The following PLD1 variants were observed in gnomAD, a reference collection of about 807,000 sequenced individuals.
PLD1 encodes choline phosphatase 1.
In PLD1, 112 loss-of-function variants were observed where a neutral mutation model predicts 137.1. That is an observed-to-expected ratio of 0.82 (90% CI 0.70 to 0.96). The LOEUF (loss-of-function observed/expected upper bound fraction) is 0.96, where lower values mean the gene tolerates loss of function less well. Ranked by LOEUF, PLD1 falls within the 40% of genes least tolerant of loss-of-function variation. PLD1 has a pLI of 0.00. For synonymous variants in PLD1, 431 were observed against 454.7 expected, an observed-to-expected ratio of 0.95 and a Z score of 0.66; for missense variants, 1,321 against 1,342.0, an observed-to-expected ratio of 0.98 and a Z score of 0.24.
At position 171,804,353 on chromosome 3, in the gene PLD1, T is replaced by C. The variant is rs1723761059; in HGVS notation, c.-32+6046A>G. On this transcript the variant is annotated intron_variant, in intron 1 of 26. Transcript: ENST00000351298. ...CATTTTATTTTTAAGAATAGTTAAA[T>C]GGCACCATAGAGCAAATAAATAAGT... is the stretch of plus-strand genomic sequence containing the variant. Among the ~76,000 whole-genome samples, 2 of 152,230 alleles carry C rather than the reference T, an allele frequency of 1.3e-5. 1 individual carries two copies. The highest frequency in any genetic ancestry group is 4.1e-4 in the South Asian group (2 of 4,836).
chr3:171,770,390 G>T (rs1722260372), intron 1 of PLD1, among the ~76,000 whole-genome samples: 1 of 152,106 alleles, frequency 6.6e-6, no homozygotes, highest in African/African-American at 2.4e-5. Flanking sequence ...TGATATTCTG[G>T]TTCACTGAAA....
intron 1 of PLD1, among the ~76,000 whole-genome samples, chr3:171,783,570 T>A (rs1169629512): frequency 6.6e-6 from 1 of 152,162 alleles, no homozygotes; most frequent in Non-Finnish European, 1.5e-5. Flanking sequence ...GGGATTTAAA[T>A]CTAAATGTTT....
intron 1 of PLD1, among the ~76,000 whole-genome samples, chr3:171,764,869 A>AAGGAAGGAAG (rs1721736677): frequency 3.6e-5 from 1 of 27,806 alleles, no homozygotes; most frequent in Non-Finnish European, 7.8e-5. Context: ...GAAAGAAAGA[A>AAGGAAGGAAG]AGAAAGAAAG....
At chr3:171,658,363 G>A (rs747599001) in intron 21 of PLD1, among the ~76,000 whole-genome samples, 2 of 152,144 alleles carry the variant, frequency 1.3e-5, no homozygotes, top group Non-Finnish European at 2.9e-5. Flanking sequence ...GATGTTTATA[G>A]CAGCATTATT....
intron 23 of PLD1, among the ~76,000 whole-genome samples, chr3:171,629,806 C>T (rs1439088355): frequency 6.6e-6 from 1 of 152,150 alleles, no homozygotes; most frequent in Non-Finnish European, 1.5e-5. Context: ...AACTGGCTAG[C>T]CATATGGAGA....
intron 1 of PLD1, among the ~76,000 whole-genome samples, chr3:171,794,612 A>C (rs1723354767): frequency 6.6e-6 from 1 of 152,166 alleles, no homozygotes; most frequent in Admixed American, 6.5e-5. Context: ...AGAAAATGTT[A>C]ATAAAATGCC....
At chr3:171,776,084 C>A (rs1376935375) in intron 1 of PLD1, among the ~76,000 whole-genome samples, 1 of 152,176 alleles carries the variant, frequency 6.6e-6, no homozygotes, top group Non-Finnish European at 1.5e-5. Flanking sequence ...AGGGCTTTCA[C>A]ATGTATTAGC....
chr3:171,748,135 G>T (rs1720385652), intron 1 of PLD1, among the ~76,000 whole-genome samples: 1 of 152,196 alleles, frequency 6.6e-6, no homozygotes, highest in Admixed American at 6.5e-5. Context: ...CAACGTCTAA[G>T]AAGATTTATT....
intron 19 of PLD1, among the ~76,000 whole-genome samples, chr3:171,665,006 C>T (rs1251190459): frequency 2.0e-5 from 3 of 152,188 alleles, no homozygotes; most frequent in Admixed American, 2.0e-4. Flanking sequence ...GTTTATAACC[C>T]ACCCTTGCTG....
chr3:171,602,807 A>C lies in PLD1; in HGVS notation c.*271T>G. ...AAGGAAATGGATTTTGGTATACGGA[A>C]TTTGAATATGTGTTTTACTCAACAG... On this transcript the variant is annotated 3_prime_UTR_variant, in exon 27 of 27. Coordinates refer to ENST00000351298, the MANE Select transcript of PLD1 (RefSeq NM_002662.5). 2.5e-6 allele frequency: 1 copy of C among 395,062 alleles called. No individual in the cohort carries two copies. Among genetic ancestry groups the C allele is most frequent in the Non-Finnish European group, 4.6e-6 (1 of 219,338 alleles). 24.5% of individuals were successfully genotyped at this position (395,062 alleles called of 1,614,324 possible).
At chr3:171,706,386 A>T (rs1481977817) in intron 11 of PLD1, among the ~76,000 whole-genome samples, 5 of 152,158 alleles carry the variant, frequency 3.3e-5, no homozygotes, top group Non-Finnish European at 7.4e-5. Context: ...AGAATGTTGC[A>T]TTTAAAACCA....
At chr3:171,781,958 T>C (rs1722811556) in intron 1 of PLD1, among the ~76,000 whole-genome samples, 1 of 152,112 alleles carries the variant, frequency 6.6e-6, no homozygotes, top group South Asian at 2.1e-4. Flanking sequence ...TGGAAGCAAC[T>C]CAGGCATCCA....
chr3:171,612,364 C>T lies in PLD1; in HGVS notation c.2797G>A (p.Asp933Asn), dbSNP rs1231594481. The T allele has an allele frequency of 6.2e-7, 1 of 1,614,074 alleles. No homozygotes were observed. The highest frequency in any genetic ancestry group is 1.3e-5 in the African/African-American group (1 of 75,046). Reference protein sequence around the residue: ...RDSEMAVIVQDTETVPSVMDG... With the variant: ...RDSEMAVIVQNTETVPSVMDG... ...ATTACTGAAGGAACAGTCTCTGTAT[C>T]TTGCACAATGACAGCCATTTCACTG... Residue 933 changes from aspartate (D) to asparagine (N), a missense_variant, in exon 25 of 27, where the codon GAT (aspartate) becomes AAT (asparagine). Physicochemically the swap from Asp to Asn is conservative, Grantham distance 23. Coordinates refer to ENST00000351298, the MANE Select transcript of PLD1 (RefSeq NM_002662.5). This position sits in a 1 kb window ranked among gnomAD's most constrained non-coding sequence, Gnocchi z 4.1.
rs188429950 is a variant in PLD1 at position 171,705,935 on chromosome 3, T to C, written c.1145+2820A>G. ...AATGGTTTTTATATTTTTAAAGAGTTGTAAAAAAAATATGCTTCAGAGACC... is the reference window on the plus strand; with the variant it reads ...AATGGTTTTTATATTTTTAAAGAGTCGTAAAAAAAATATGCTTCAGAGACC... On this transcript the variant is annotated intron_variant, in intron 11 of 26. Transcript: ENST00000351298. Among the ~76,000 whole-genome samples, 58 of 152,246 alleles carry C rather than the reference T, an allele frequency of 3.8e-4. 2 individuals carry two copies. In the East Asian group the frequency reaches 9.3e-3, roughly 24 times the overall value.
intron 1 of PLD1, among the ~76,000 whole-genome samples, chr3:171,807,639 T>C (rs1723906144): frequency 6.6e-6 from 1 of 152,226 alleles, no homozygotes. Flanking sequence ...CGTAAATTAG[T>C]TCAGTCACTG....
chr3:171,673,793 T>C (rs937134265), intron 19 of PLD1, among the ~76,000 whole-genome samples: 4 of 152,210 alleles, frequency 2.6e-5, no homozygotes, highest in Admixed American at 6.5e-5. Flanking sequence ...TAAACAATTC[T>C]TCTGATGCCC....
chr3:171,699,870 T>C, intron 11 of PLD1, 44 bp from the exon 12 acceptor site: 1 of 1,486,390 alleles, frequency 6.7e-7, no homozygotes, highest in Non-Finnish European at 9.4e-7. Flanking sequence ...AAACAAAATA[T>C]AAAGTTCTGA....
In PLD1 at chr3:171,605,391, G is replaced by A; in HGVS notation, c.2908C>T (p.Pro970Ser). 1 of 1,613,068 alleles carries A rather than the reference G, an allele frequency of 6.2e-7. No homozygotes were observed. Among genetic ancestry groups the A allele is most frequent in the Non-Finnish European group, 8.5e-7 (1 of 1,179,174 alleles). ...FRVVLGYLDD[P>S]SEDIQDPVSD... is the part of the protein sequence containing the mutation. ...ACTGGATCCTGAATGTCCTCACTTG[G>A]GTCATCAAGATAGCCAAGGACAACC... Residue 970 changes from proline (P) to serine (S), a missense_variant, in exon 26 of 27, where the codon CCA (proline) becomes TCA (serine). Physicochemically the swap from Pro to Ser is moderately conservative, Grantham distance 74. Coordinates refer to ENST00000351298, the MANE Select transcript of PLD1 (RefSeq NM_002662.5).
At chr3:171,633,144 A>G (rs1734817757) in intron 23 of PLD1, among the ~76,000 whole-genome samples, 2 of 152,230 alleles carry the variant, frequency 1.3e-5, no homozygotes, top group Non-Finnish European at 2.9e-5. Context: ...TAAATTCACC[A>G]TGAACTCTAT....
Sources: gnomAD v4.1 joint callset for allele counts (sites outside exome capture counted in the v4.1 genomes callset) on GRCh38, gnomAD v4.1.1 for gene constraint, Gnocchi (gnomAD v3.1) non-coding constraint, MANE v1.5 for transcripts, NCBI Gene and HGNC (gene_info 2026-07-23, HGNC 2026-07-21) for gene names.